The following ITPR1 variants were observed in gnomAD, a reference collection of about 807,000 sequenced individuals.
ITPR1 encodes the protein inositol 1,4,5-trisphosphate receptor type 1.
ITPR1 carries 96 observed loss-of-function variants against 318.4 expected under a neutral mutation model. The ratio of observed to expected loss-of-function variants is 0.30; its 90% confidence interval spans 0.26 to 0.36. The LOEUF (loss-of-function observed/expected upper bound fraction) is 0.36, where lower values mean the gene tolerates loss of function less well. ITPR1 is among the 10% of genes least tolerant of loss of function. The pLI, the probability that ITPR1 is intolerant of heterozygous loss-of-function variation, is 1.00. For missense variants in ITPR1, 2,440 were observed against 3,460.2 expected (o/e 0.71, Z 7.40); for synonymous variants, 1,312 against 1,289.9 (o/e 1.02, Z -0.37).
At chr3:4,800,787 C>T (rs1018554693) in intron 54 of ITPR1, among the ~76,000 whole-genome samples, 187 bp downstream of exon 54, 2 of 152,188 alleles carry the variant, frequency 1.3e-5, no homozygotes, top group African/African-American at 4.8e-5. Context: ...CCGCGTGGTG[C>T]AGTGAGCCTT....
chr3:4,815,562 G>A (rs1559946032), intron 59 of ITPR1, among the ~76,000 whole-genome samples: 2 of 152,090 alleles, frequency 1.3e-5, no homozygotes, highest in Non-Finnish European at 2.9e-5. Flanking sequence ...AATTATGAGA[G>A]ACAGCGTATG....
intron 2 of ITPR1, among the ~76,000 whole-genome samples, chr3:4,505,439 C>T (rs947105627): frequency 1.3e-5 from 2 of 152,216 alleles, no homozygotes; most frequent in African/African-American, 4.8e-5. Context: ...GTGATCCACC[C>T]ACCTTGGCCT....
At chr3:4,722,364 C>G (rs2042224497) in intron 40 of ITPR1, among the ~76,000 whole-genome samples, 1 of 152,184 alleles carries the variant, frequency 6.6e-6, no homozygotes, top group Non-Finnish European at 1.5e-5. Flanking sequence ...AACGCAGTGA[C>G]TGGTCCTGGG....
intron 4 of ITPR1, among the ~76,000 whole-genome samples, chr3:4,539,030 C>T (rs898135603): frequency 6.6e-6 from 1 of 152,098 alleles, no homozygotes; most frequent in Non-Finnish European, 1.5e-5. Flanking sequence ...TATTCCAGAA[C>T]TTAAGATTTT....
chr3:4,577,319 C>G (rs1022778923), intron 4 of ITPR1, among the ~76,000 whole-genome samples: 1 of 152,180 alleles, frequency 6.6e-6, no homozygotes, highest in African/African-American at 2.4e-5. Flanking sequence ...TACAGCAGTG[C>G]TTTTTAAACT....
chr3:4,683,905 A>G, intron 28 of ITPR1, 107 bp downstream of exon 28: 1 of 1,046,144 alleles, frequency 9.6e-7, no homozygotes, highest in Non-Finnish European at 1.4e-6. Context: ...TTTATTTTCA[A>G]GAGATCTGCT....
rs748340575 is a variant in ITPR1, at chr3:4,688,508, A to G, written c.3716A>G (p.Lys1239Arg). 20 of 1,613,898 alleles carry G rather than the reference A, an allele frequency of 1.2e-5. No homozygotes were observed. The highest frequency in any genetic ancestry group is 1.7e-5 in the Non-Finnish European group (20 of 1,179,864). Residue 1239 changes from lysine to arginine, a missense_variant, in exon 31 of 62, where the codon AAG becomes AGG. By Grantham distance (26) the Lys-to-Arg change is conservative. Transcript: ENST00000649015. The stretch of plus-strand genomic sequence containing the variant: ...CCTCCCACACAGGCCGAAGATACCA[A>G]GATGCAAGAGATAATGAGGTTGGCT... ...QIPYEKAEDT[K>R]MQEIMRLAHE...
chr3:4,671,220 G>T (rs900827874), intron 20 of ITPR1, among the ~76,000 whole-genome samples: 1 of 152,194 alleles, frequency 6.6e-6, no homozygotes, highest in Non-Finnish European at 1.5e-5. Context: ...GAGGCAGGCT[G>T]TGGGGTCACA....
chr3:4,767,460 A>T (rs1391511765), intron 45 of ITPR1, among the ~76,000 whole-genome samples: 1 of 152,264 alleles, frequency 6.6e-6, no homozygotes, highest in Non-Finnish European at 1.5e-5. Flanking sequence ...GAGAAGAAAA[A>T]GAAGAATGGC....
intron 61 of ITPR1, among the ~76,000 whole-genome samples, chr3:4,842,100 C>CA (rs1575446567): frequency 1.3e-5 from 2 of 152,342 alleles, no homozygotes; most frequent in Admixed American, 6.5e-5. Flanking sequence ...CTTCCAGTGC[C>CA]AGCCTTTAAT....
chr3:4,753,041 G>A (rs887520666), intron 44 of ITPR1, among the ~76,000 whole-genome samples: 5 of 152,210 alleles, frequency 3.3e-5, no homozygotes, highest in African/African-American at 1.2e-4. Context: ...GGGAGATACC[G>A]TTCAAGCTGA....
At chr3:4,540,364 C>T (rs887386604) in intron 4 of ITPR1, among the ~76,000 whole-genome samples, 1 of 152,122 alleles carries the variant, frequency 6.6e-6, no homozygotes, top group African/African-American at 2.4e-5. Context: ...CTTTTAAATT[C>T]TCTGTCATTA....
rs575389028 is a variant in ITPR1, at chr3:4,533,972, T to C, written c.163+12878T>C. On this transcript the variant is annotated intron_variant, in intron 4 of 61. Transcript: ENST00000649015. ...GGAGGAAGTTATTGCCAATCTGCTC[T>C]TTCCCAAAAGCTGCCCTTCCCTGCC... Among the ~76,000 whole-genome samples, 27 of 152,314 alleles carry C rather than the reference T, an allele frequency of 1.8e-4. No individual in the cohort carries two copies. The East Asian group carries it at 5.2e-3, about 29-fold the overall frequency.
chr3:4,565,795 A>C (rs560531287), intron 4 of ITPR1, among the ~76,000 whole-genome samples: 3 of 152,368 alleles, frequency 2.0e-5, no homozygotes. Context: ...TAGGGAATTA[A>C]ATTGAGTGCA....
At chr3:4,570,311 C>T (rs752322406) in intron 4 of ITPR1, among the ~76,000 whole-genome samples, 5 of 152,272 alleles carry the variant, frequency 3.3e-5, no homozygotes, top group Non-Finnish European at 5.9e-5. Context: ...TTAAAAATGT[C>T]TTATAATCTG....
chr3:4,560,602 G>A (rs186071521), intron 4 of ITPR1, among the ~76,000 whole-genome samples: 2 of 152,252 alleles, frequency 1.3e-5, no homozygotes, highest in Admixed American at 6.5e-5. Context: ...AGCTTTCTCT[G>A]GAAGAAGAGA....
chr3:4,497,071 T>C (rs1364556025), intron 2 of ITPR1, among the ~76,000 whole-genome samples: 4 of 136,908 alleles, frequency 2.9e-5, no homozygotes, highest in East Asian at 2.1e-4. Flanking sequence ...TTTTTTTTTT[T>C]CCATTTTTGC....
chr3:4,761,337 C>T lies in ITPR1; in HGVS notation c.5545-5193C>T, dbSNP rs531477383. On this transcript the variant is annotated intron_variant, in intron 44 of 61. Transcript: ENST00000649015. ...CCATGAGTACCCAATGTTTATCTCT[C>T]ACTGACAAGTGAGAAAATGTAGTAT... Among the ~76,000 whole-genome samples, 80 of 152,318 alleles carry T rather than the reference C, an allele frequency of 5.3e-4. No individual in the cohort carries two copies. In the South Asian group the frequency reaches 0.017, roughly 32 times the overall value.
At chr3:4,713,735 G>C (rs2041554151) in intron 39 of ITPR1, among the ~76,000 whole-genome samples, 1 of 152,342 alleles carries the variant, frequency 6.6e-6, no homozygotes. Flanking sequence ...TTTTGTAGAG[G>C]TTCCTGGGGT....
Sources: gnomAD v4.1 joint callset for allele counts (sites outside exome capture counted in the v4.1 genomes callset) on GRCh38, gnomAD v4.1.1 for gene constraint, MANE v1.5 for transcripts, NCBI Gene and HGNC (gene_info 2026-07-23, HGNC 2026-07-21) for gene names.